The following FBLN1 variants were observed in gnomAD, a reference collection of about 807,000 sequenced individuals.
The protein encoded by FBLN1 is fibulin-1.
In FBLN1, 34 loss-of-function variants were observed where a neutral mutation model predicts 89.7. The observed-to-expected ratio is 0.38, with a 90% confidence interval of 0.29 to 0.50. The LOEUF (loss-of-function observed/expected upper bound fraction) is 0.50, where lower values mean the gene tolerates loss of function less well. Among genes scored for constraint, FBLN1 ranks in the 20% least tolerant of loss-of-function variants. The probability of loss-of-function intolerance (pLI) is 0.92; values close to 1 mark genes in which losing one functional copy is unlikely to be tolerated. For missense variants in FBLN1, 777 were observed against 988.1 expected (o/e 0.79, Z 2.86); for synonymous variants, 393 against 391.3 (o/e 1.00, Z -0.05).
chr22:45,523,184 C>T (rs569544346), intron 2 of FBLN1: 13 of 778,232 alleles, frequency 1.7e-5, no homozygotes, highest in Non-Finnish European at 2.4e-5. Context: ...GAACAGCCAG[C>T]GCAAGAGCCC....
Position 45,532,087 on chromosome 22 carries a change from T to C in FBLN1, c.544+763T>C, listed in dbSNP as rs1410730827. On this transcript the variant is annotated intron_variant, in intron 5 of 16. Transcript: ENST00000327858. The surrounding 1 kb of genome is among the most constrained non-coding windows in gnomAD (Gnocchi z 4.2). ...AGACCTGCAGATCTGCCTCACAAGC[T>C]CTTTCAGTGGTTCCCCCTGTGGTTA... Among the ~76,000 whole-genome samples, 1 of 152,218 alleles carries C rather than the reference T, an allele frequency of 6.6e-6. No individual in the cohort carries two copies. The highest frequency in any genetic ancestry group is 1.9e-4 in the East Asian group (1 of 5,202).
chr22:45,533,562 T>C (rs2088438953), intron 6 of FBLN1, among the ~76,000 whole-genome samples, 199 bp from the exon 7 acceptor site: 1 of 152,196 alleles, frequency 6.6e-6, no homozygotes, highest in Admixed American at 6.5e-5. Flanking sequence ...GCAGTAGATA[T>C]GAACGTTAGC....
intron 6 of FBLN1, 59 bp from the exon 7 acceptor site, chr22:45,533,702 G>T (rs1443867976): frequency 1.3e-6 from 2 of 1,588,034 alleles, no homozygotes; most frequent in African/African-American, 2.8e-5. Flanking sequence ...TCCTTTCTAG[G>T]ATGTATTAGG....
intron 11 of FBLN1, among the ~76,000 whole-genome samples, chr22:45,546,116 T>C (rs1482995154): frequency 6.6e-6 from 1 of 151,892 alleles, no homozygotes; most frequent in African/African-American, 2.4e-5. Context: ...GAGGTGGAGA[T>C]TGCAGTGAGC....
At position 45,514,795 on chromosome 22, in the gene FBLN1, C is replaced by T. The variant is rs571044045; in HGVS notation, c.80-3887C>T. ...AGGAGGAAGACACCATCCCTGGCCC[C>T]GAAGGAGGTTTTAATTCAGGAGGAG... is the stretch of plus-strand genomic sequence containing the variant. On this transcript the variant is annotated intron_variant, in intron 1 of 16. Transcript: ENST00000327858. 3.4e-4 allele frequency among the ~76,000 whole-genome samples: 52 copies of T among 152,234 alleles called. 2 individuals carry two copies. In the South Asian group the frequency reaches 6.6e-3, roughly 19 times the overall value.
At chr22:45,542,073 T>C (rs917762375) in intron 9 of FBLN1, 82 bp from the exon 10 acceptor site, 1 of 1,602,116 alleles carries the variant, frequency 6.2e-7, no homozygotes, top group South Asian at 1.1e-5. Flanking sequence ...TGTGTTCCTT[T>C]CTTGCTTTCC....
intron 1 of FBLN1, among the ~76,000 whole-genome samples, chr22:45,513,235 T>C (rs997204442): frequency 1.3e-5 from 2 of 152,190 alleles, no homozygotes; most frequent in African/African-American, 2.4e-5. Flanking sequence ...CACTAAATTA[T>C]TTTGCTTAAA....
intron 14 of FBLN1, among the ~76,000 whole-genome samples, chr22:45,559,324 A>C (rs1009241580): frequency 6.6e-5 from 10 of 152,152 alleles, no homozygotes; most frequent in African/African-American, 2.4e-4. Context: ...GCACAGGCCA[A>C]ATGGGAGAGT....
At position 45,530,916 on chromosome 22, in the gene FBLN1, G is replaced by A. The variant is rs9754337; in HGVS notation, c.485-349G>A. On this transcript the variant is annotated intron_variant, in intron 4 of 16. Transcript: ENST00000327858. The surrounding 1 kb of genome is among the most constrained non-coding windows in gnomAD (Gnocchi z 5.4). Reference sequence around the variant, plus strand: ...GTACCTGAGATTACAGGTGCATGCCGCTACACCTGGCTAATTTTTGTATTT... The same window carrying A: ...GTACCTGAGATTACAGGTGCATGCCACTACACCTGGCTAATTTTTGTATTT... 0.065 allele frequency among the ~76,000 whole-genome samples: 9,839 copies of A among 151,782 alleles called. 1,047 individuals are homozygous for A. Among genetic ancestry groups the A allele is most frequent in the African/African-American group, 0.22 (9,229 of 41,346 alleles).
intron 3 of FBLN1, among the ~76,000 whole-genome samples, chr22:45,527,358 T>C (rs924083812): frequency 6.6e-6 from 1 of 152,164 alleles, no homozygotes; most frequent in African/African-American, 2.4e-5. Context: ...TGCTTTCAAA[T>C]GCACGGTGCA....
chr22:45,597,863 A>G lies in FBLN1; in HGVS notation c.1973-2444A>G, dbSNP rs17649376. 0.013 allele frequency among the ~76,000 whole-genome samples: 1,969 copies of G among 152,152 alleles called. 29 individuals carry two copies. Among genetic ancestry groups the G allele is most frequent in the Non-Finnish European group, 0.019 (1,314 of 67,986 alleles). On this transcript the variant is annotated intron_variant, in intron 16 of 16. Coordinates refer to ENST00000327858, the MANE Select transcript of FBLN1 (RefSeq NM_006486.3). The surrounding 1 kb of genome is among the most constrained non-coding windows in gnomAD (Gnocchi z 4.2). ...TTCCACCCCAGCTGCTGGGCCTTTCACTTTTGAAACATAAGCCCAGAGAGC... is the reference window on the plus strand; with the variant it reads ...TTCCACCCCAGCTGCTGGGCCTTTCGCTTTTGAAACATAAGCCCAGAGAGC...
chr22:45,518,127 C>CAAA (rs136717), intron 1 of FBLN1, among the ~76,000 whole-genome samples: 10 of 122,638 alleles, frequency 8.2e-5, no homozygotes, highest in East Asian at 2.4e-4. Flanking sequence ...GACTCTGTCT[C>CAAA]AAAAAAAAAA....
At position 45,518,685 on chromosome 22, in the gene FBLN1, A is replaced by G; in HGVS notation, c.83A>G (p.Asp28Gly). Residue 28 changes from aspartate (D) to glycine (G), a missense_variant, in exon 2 of 17, where the codon GAC (aspartate) becomes GGC (glycine). Physicochemically the swap from Asp to Gly is moderately conservative, Grantham distance 94. Transcript: ENST00000327858. ...GCTTGTTCTCTTCCCTGCACAGTGG[A>G]CGCGGATGTCCTCCTGGAGGCCTGC... is the stretch of plus-strand genomic sequence containing the variant. ...GGLALLAAGV[D>G]ADVLLEACCA... 6.2e-7 allele frequency: 1 copy of G among 1,601,242 alleles called. No homozygotes were observed. Among genetic ancestry groups the G allele is most frequent in the Non-Finnish European group, 8.5e-7 (1 of 1,174,226 alleles).
chr22:45,551,300 C>T (rs1454926455), intron 14 of FBLN1, among the ~76,000 whole-genome samples: 1 of 152,218 alleles, frequency 6.6e-6, no homozygotes. Flanking sequence ...ATGCTGGGAC[C>T]GATCTCAGGA....
chr22:45,514,649 A>T (rs1344707364), intron 1 of FBLN1, among the ~76,000 whole-genome samples: 2 of 152,192 alleles, frequency 1.3e-5, no homozygotes, highest in Non-Finnish European at 2.9e-5. Context: ...TTGCCCCAGC[A>T]GCCTTTGCAT....
Position 45,502,895 on chromosome 22 carries a change from G to A in FBLN1, c.-91G>A. 2.3e-6 allele frequency: 1 copy of A among 444,432 alleles called. No homozygotes were observed. The highest frequency in any genetic ancestry group is 2.1e-5 in the African/African-American group (1 of 47,054). 27.5% of individuals were successfully genotyped at this position (444,432 alleles called of 1,614,324 possible). On this transcript the variant is annotated 5_prime_UTR_variant, in exon 1 of 17. Coordinates refer to ENST00000327858, the MANE Select transcript of FBLN1 (RefSeq NM_006486.3). ...GCCCTGGCCCAGCGTTGGCTGCCGA[G>A]GCTCGGCCGGAGCGTGGAGCCCGCG...
rs1555959958 is a variant in FBLN1 at position 45,568,584 on chromosome 22, C to CCTGTAGGGGACTT, written c.1698-5917_1698-5916insCTTCTGTAGGGGA. ...CATGCTCCTTCTGTAGGAGAATGCTCCTGTAGGGGAATGCTCCTTCTGTAA... is the reference window on the plus strand; with the variant it reads ...CATGCTCCTTCTGTAGGAGAATGCTCCTGTAGGGGACTTCTGTAGGGGAATGCTCCTTCTGTAA... On this transcript the variant is annotated intron_variant, in intron 14 of 16. Coordinates refer to ENST00000327858, the MANE Select transcript of FBLN1 (RefSeq NM_006486.3). Among the ~76,000 whole-genome samples, 89 of 98,224 alleles carry CCTGTAGGGGACTT rather than the reference C, an allele frequency of 9.1e-4. 2 individuals are homozygous for CCTGTAGGGGACTT. The highest frequency in any genetic ancestry group is 1.4e-3 in the African/African-American group (33 of 23,738). The allele number at this position is 98,224 out of a possible 152,430, so 64.4% of individuals were successfully genotyped here.
In FBLN1 at chr22:45,561,514, T is replaced by C. The variant is rs1411469730; in HGVS notation, c.1697+10899T>C. Among the ~76,000 whole-genome samples the C allele has an allele frequency of 6.6e-6, 1 of 152,360 alleles. No individual in the cohort carries two copies. The highest frequency in any genetic ancestry group is 2.4e-5 in the African/African-American group (1 of 41,588). On this transcript the variant is annotated intron_variant, in intron 14 of 16. Transcript: ENST00000327858. The surrounding 1 kb of genome is among the most constrained non-coding windows in gnomAD (Gnocchi z 4.7). ...AATGCGTTTATTTTTCATAACTCTCTAAACAGTTCATGCCAAGGACTATCA... is the reference window on the plus strand; with the variant it reads ...AATGCGTTTATTTTTCATAACTCTCCAAACAGTTCATGCCAAGGACTATCA...
At chr22:45,547,977 G>C (rs535854834) in intron 12 of FBLN1, among the ~76,000 whole-genome samples, 142 of 152,246 alleles carry the variant, frequency 9.3e-4, no homozygotes, top group African/African-American at 3.3e-3. Context: ...GATTAAACTA[G>C]ATGACAGCAA....
Sources: allele counts gnomAD v4.1 joint callset (sites outside exome capture counted in the v4.1 genomes callset), GRCh38; gene constraint gnomAD v4.1.1; non-coding constraint Gnocchi (gnomAD v3.1); transcripts MANE v1.5; gene names NCBI Gene and HGNC (gene_info 2026-07-23, HGNC 2026-07-21).